RBFOX1: variants seen among roughly 807,000 people sequenced by gnomAD.
RBFOX1 encodes RNA binding fox-1 homolog 1.
RBFOX1 carries 8 observed loss-of-function variants against 57.7 expected under a neutral mutation model. The observed-to-expected ratio is 0.14, with a 90% confidence interval of 0.08 to 0.25. The LOEUF (loss-of-function observed/expected upper bound fraction) is 0.25. Ranked by LOEUF, RBFOX1 falls within the 10% of genes least tolerant of loss-of-function variation. The probability of loss-of-function intolerance (pLI) is 1.00; values close to 1 mark genes in which losing one functional copy is unlikely to be tolerated. For missense variants in RBFOX1, 611 were observed against 548.5 expected, an observed-to-expected ratio of 1.11 and a Z score of -1.14; for synonymous variants, 326 against 222.4, an observed-to-expected ratio of 1.47 and a Z score of -4.15.
intron 14 of RBFOX1, among the ~76,000 whole-genome samples, chr16:7,702,347 AC>A (rs1194398624): frequency 2.0e-5 from 3 of 152,040 alleles, no homozygotes; most frequent in Non-Finnish European, 4.4e-5. Flanking sequence ...CTCCATTCTG[AC>A]CCCACAGAAT....
intron 2 of RBFOX1, among the ~76,000 whole-genome samples, chr16:6,517,491 C>T (rs1306399956): frequency 6.6e-6 from 1 of 152,098 alleles, no homozygotes; most frequent in Non-Finnish European, 1.5e-5. Flanking sequence ...TCCTGTCTCC[C>T]AGCTGGCTTC....
chr16:6,177,991 T>C (rs1277748891), intron 1 of RBFOX1, among the ~76,000 whole-genome samples: 1 of 151,968 alleles, frequency 6.6e-6, no homozygotes, highest in African/African-American at 2.4e-5. Context: ...TTGGATACTT[T>C]CTGATTTTTA....
intron 4 of RBFOX1, among the ~76,000 whole-genome samples, chr16:7,153,592 G>C (rs1360623858): frequency 6.6e-6 from 1 of 151,752 alleles, no homozygotes; most frequent in African/African-American, 2.4e-5. Context: ...AAATTAGCCA[G>C]GCATGGTGAT....
At chr16:6,422,432 G>T (rs1029285489) in intron 2 of RBFOX1, among the ~76,000 whole-genome samples, 5 of 151,890 alleles carry the variant, frequency 3.3e-5, no homozygotes, top group Non-Finnish European at 7.4e-5. Flanking sequence ...CTTGTCTATT[G>T]TTCCCATCTT....
In RBFOX1 at chr16:6,780,009, A is replaced by ATT. The variant is rs2080343873; in HGVS notation, c.-16+125360_-16+125361insTT. On this transcript the variant is annotated intron_variant, in intron 3 of 15. Coordinates refer to ENST00000550418, the MANE Select transcript of RBFOX1 (RefSeq NM_018723.4). ...TATATTTATATATTTATATATATTT[A>ATT]TATATATTTATATATTTATATATAT... Among the ~76,000 whole-genome samples, 2 of 25,948 alleles carry ATT rather than the reference A, an allele frequency of 7.7e-5. 1 individual carries two copies. Among genetic ancestry groups the ATT allele is most frequent in the African/African-American group, 3.9e-4 (2 of 5,080 alleles). 17.0% of individuals were successfully genotyped at this position (25,948 alleles called of 152,430 possible).
At chr16:6,660,661 C>A (rs999879918) in intron 3 of RBFOX1, among the ~76,000 whole-genome samples, 1 of 152,120 alleles carries the variant, frequency 6.6e-6, no homozygotes, top group Non-Finnish European at 1.5e-5. Flanking sequence ...GGGAGTGATA[C>A]AATCTGCTTG....
At chr16:6,093,378 AG>A (rs1242598201) in intron 1 of RBFOX1, among the ~76,000 whole-genome samples, 3 of 152,116 alleles carry the variant, frequency 2.0e-5, no homozygotes, top group Non-Finnish European at 4.4e-5. Context: ...ATTCAAGGTC[AG>A]CCTAGGTATA....
intron 2 of RBFOX1, among the ~76,000 whole-genome samples, chr16:6,601,303 C>G (rs113472555): frequency 6.6e-6 from 1 of 152,254 alleles, no homozygotes; most frequent in Middle Eastern, 3.4e-3. Context: ...ATTTAAGCTT[C>G]TTACACTCTC....
intron 1 of RBFOX1, among the ~76,000 whole-genome samples, chr16:5,329,425 C>G (rs1166456159): frequency 6.6e-6 from 1 of 152,054 alleles, no homozygotes; most frequent in South Asian, 2.1e-4. Context: ...TAACTCACTC[C>G]GTATGACAAG....
intron 3 of RBFOX1, among the ~76,000 whole-genome samples, chr16:5,765,850 G>T (rs2053758069): frequency 1.3e-5 from 2 of 152,222 alleles, no homozygotes; most frequent in South Asian, 4.1e-4. Flanking sequence ...AAGGATGGGA[G>T]TGTGGAAGGA....
intron 1 of RBFOX1, among the ~76,000 whole-genome samples, chr16:6,095,620 T>C (rs1597259221): frequency 6.6e-6 from 1 of 152,030 alleles, no homozygotes. Context: ...CCTCTGCCTG[T>C]GCAAAGAACT....
intron 4 of RBFOX1, among the ~76,000 whole-genome samples, chr16:7,102,539 C>T (rs2151387500): frequency 6.6e-6 from 1 of 152,176 alleles, no homozygotes; most frequent in Admixed American, 6.5e-5. Flanking sequence ...CATTAAATTC[C>T]CTTTAAGGTT....
intron 2 of RBFOX1, among the ~76,000 whole-genome samples, chr16:6,398,708 G>A (rs954916687): frequency 2.0e-5 from 3 of 152,216 alleles, no homozygotes; most frequent in Non-Finnish European, 4.4e-5. Context: ...CTGCCCCTAT[G>A]CCTTTGTGGG....
At chr16:6,663,928 G>T (rs1421021584) in intron 3 of RBFOX1, among the ~76,000 whole-genome samples, 3 of 152,176 alleles carry the variant, frequency 2.0e-5, no homozygotes, top group African/African-American at 4.8e-5. Flanking sequence ...GGGAAAAGTG[G>T]CTAGAGATAA....
rs114994185 is a variant in RBFOX1 at position 7,238,651 on chromosome 16, A to G, written c.27+186553A>G. ...CTTTCTCTCTTTTTTTGTAACTTTT[A>G]TTTTATCTTCAGGGGTACAAGTGCA... On this transcript the variant is annotated intron_variant, in intron 4 of 15. Transcript: ENST00000550418. Among the ~76,000 whole-genome samples the G allele has an allele frequency of 6.4e-3, 981 of 152,110 alleles. 14 individuals carry two copies. The highest frequency in any genetic ancestry group is 0.022 in the African/African-American group (929 of 41,500).
intron 2 of RBFOX1, among the ~76,000 whole-genome samples, chr16:5,558,510 A>G (rs942845013): frequency 1.1e-4 from 16 of 152,164 alleles, no homozygotes; most frequent in African/African-American, 3.9e-4. Context: ...TACCCTGTAC[A>G]AACTACCTTA....
At chr16:5,707,921 G>T (rs953436846) in intron 3 of RBFOX1, among the ~76,000 whole-genome samples, 1 of 152,074 alleles carries the variant, frequency 6.6e-6, no homozygotes, top group Non-Finnish European at 1.5e-5. Flanking sequence ...TAACTTTGAG[G>T]GTGGTATTTC....
intron 2 of RBFOX1, chr16:6,483,175 G>A (rs1430188921): frequency 2.1e-5 from 24 of 1,124,254 alleles, no homozygotes; most frequent in Non-Finnish European, 2.5e-5. Flanking sequence ...CTCATTTGGC[G>A]AGCGTTTTGG....
chr16:5,441,607 C>T (rs1218705043), intron 1 of RBFOX1, among the ~76,000 whole-genome samples: 2 of 152,116 alleles, frequency 1.3e-5, no homozygotes, highest in Admixed American at 1.3e-4. Flanking sequence ...TTAAGTGATT[C>T]ACCCACCTTG....
Sources: gnomAD v4.1 joint callset for allele counts (sites outside exome capture counted in the v4.1 genomes callset) on GRCh38, gnomAD v4.1.1 for gene constraint, MANE v1.5 for transcripts, NCBI Gene and HGNC (gene_info 2026-07-23, HGNC 2026-07-21) for gene names.